Variants in SAMTOR observed in about 807,000 individuals in gnomAD.
The protein encoded by SAMTOR is S-adenosylmethionine sensor upstream of mTORC1, also known as UPF0532 protein C7orf60.
At chr7:112,869,422 C>G in the SAMTOR span, among the ~76,000 whole-genome samples, 1 of 152,088 alleles carries the variant, frequency 6.6e-6, no homozygotes, top group Non-Finnish European at 1.5e-5. Flanking sequence ...GAATACATCT[C>G]TACACCAAGC....
At chr7:112,872,859 A>G in the SAMTOR span, among the ~76,000 whole-genome samples, 2 of 151,958 alleles carry the variant, frequency 1.3e-5, no homozygotes, top group African/African-American at 4.8e-5. Context: ...ACTATTTATA[A>G]TGGCCATTCT....
At chr7:112,913,524 T>G in the SAMTOR span, among the ~76,000 whole-genome samples, 1 of 152,230 alleles carries the variant, frequency 6.6e-6, no homozygotes, top group Non-Finnish European at 1.5e-5. Context: ...CAGAAATTAA[T>G]TCTTAAGAAT....
the SAMTOR span, chr7:112,832,446 C>T: frequency 3.0e-6 from 2 of 660,594 alleles, no homozygotes; most frequent in South Asian, 1.8e-5. Flanking sequence ...TTTGAAATCT[C>T]TCCTCAATGG....
chr7:112,886,785 A>T, the SAMTOR span, among the ~76,000 whole-genome samples: 1 of 152,176 alleles, frequency 6.6e-6, no homozygotes, highest in Admixed American at 6.5e-5. Flanking sequence ...CCCTGCCCCC[A>T]CACAGAGGCA....
the SAMTOR span, among the ~76,000 whole-genome samples, chr7:112,898,197 T>A: frequency 6.6e-6 from 1 of 152,186 alleles, no homozygotes; most frequent in Admixed American, 6.5e-5. Flanking sequence ...CTGAATAAAG[T>A]GGCCCTGGGC....
the SAMTOR span, among the ~76,000 whole-genome samples, chr7:112,886,536 A>G: frequency 9.0e-4 from 137 of 152,356 alleles, 5 homozygotes; most frequent in South Asian, 0.013. Flanking sequence ...TGTCCAATGA[A>G]AGAACAATTC....
At chr7:112,914,762 CA>C in the SAMTOR span, among the ~76,000 whole-genome samples, 1 of 151,762 alleles carries the variant, frequency 6.6e-6, no homozygotes, top group Non-Finnish European at 1.5e-5. Context: ...CATTTAAAGC[CA>C]TATTTTTTAA....
At chr7:112,848,984 G>A in the SAMTOR span, among the ~76,000 whole-genome samples, 1 of 151,608 alleles carries the variant, frequency 6.6e-6, no homozygotes, top group Non-Finnish European at 1.5e-5. Context: ...GGGAGGCAGA[G>A]GTTGCAGTGA....
the SAMTOR span, among the ~76,000 whole-genome samples, chr7:112,886,236 G>A: frequency 1.2e-4 from 19 of 152,196 alleles, no homozygotes; most frequent in South Asian, 1.0e-3. Flanking sequence ...GTGAGGACAC[G>A]GCCAAACCAT....
chr7:112,927,702 C>T, the SAMTOR span, among the ~76,000 whole-genome samples: 1 of 151,982 alleles, frequency 6.6e-6, no homozygotes, highest in African/African-American at 2.4e-5. Flanking sequence ...AGAGAATTCA[C>T]AAATTATTTT....
the SAMTOR span, among the ~76,000 whole-genome samples, chr7:112,872,948 C>T: frequency 1.5e-4 from 23 of 151,384 alleles, no homozygotes; most frequent in Middle Eastern, 3.4e-3. Context: ...TGTGCACGTG[C>T]GTGCACACAC....
At chr7:112,832,706 C>G in the SAMTOR span, 641 of 1,319,526 alleles carry the variant, frequency 4.9e-4, 2 homozygotes, top group African/African-American at 7.0e-3. Context: ...AGAACAAAAT[C>G]AAATATGAGA....
chr7:112,866,332 C>G, the SAMTOR span, among the ~76,000 whole-genome samples: 1 of 152,152 alleles, frequency 6.6e-6, no homozygotes, highest in Non-Finnish European at 1.5e-5. Context: ...TTTCCATATA[C>G]AGTTGCTCAA....
the SAMTOR span, among the ~76,000 whole-genome samples, chr7:112,828,167 C>T: frequency 1.3e-5 from 2 of 152,198 alleles, no homozygotes; most frequent in Non-Finnish European, 2.9e-5. Flanking sequence ...CACTCTATAT[C>T]ATTATTTTTG....
chr7:112,841,414 G>A, the SAMTOR span, among the ~76,000 whole-genome samples: 12 of 152,082 alleles, frequency 7.9e-5, no homozygotes, highest in African/African-American at 2.7e-4. Context: ...ACAAACCACT[G>A]CTCAAGGAAA....
At chr7:112,926,412 T>C in the SAMTOR span, among the ~76,000 whole-genome samples, 1 of 152,222 alleles carries the variant, frequency 6.6e-6, no homozygotes, top group Non-Finnish European at 1.5e-5. Flanking sequence ...TAGTTTTTCA[T>C]ACTCAACAAA....
the SAMTOR span, among the ~76,000 whole-genome samples, chr7:112,912,493 T>C: frequency 1.3e-5 from 2 of 152,096 alleles, no homozygotes; most frequent in Non-Finnish European, 2.9e-5. Flanking sequence ...CAACCCTTTT[T>C]AAAGCCCACT....
At chr7:112,884,987 A>G in the SAMTOR span, among the ~76,000 whole-genome samples, 1 of 152,206 alleles carries the variant, frequency 6.6e-6, no homozygotes, top group South Asian at 2.1e-4. Flanking sequence ...CCCAAACCTC[A>G]ATTCTTCTAT....
chr7:112,898,592 C>T, the SAMTOR span, among the ~76,000 whole-genome samples: 4 of 152,174 alleles, frequency 2.6e-5, no homozygotes, highest in Non-Finnish European at 5.9e-5. Flanking sequence ...GACCCCAAGT[C>T]CCTGCAGGAT....
Sources: allele counts gnomAD v4.1 joint callset (sites outside exome capture counted in the v4.1 genomes callset), GRCh38; gene constraint gnomAD v4.1.1; transcripts MANE v1.5; gene names NCBI Gene and HGNC (gene_info 2026-07-23, HGNC 2026-07-21).